MYPN: variants seen among roughly 807,000 people sequenced by gnomAD.
The protein encoded by MYPN is myopalladin, also known as sarcomeric protein myopalladin, 145 kDa (MYOP).
MYPN carries 63 observed loss-of-function variants against 129.4 expected under a neutral mutation model. The ratio of observed to expected loss-of-function variants is 0.49; its 90% CI spans 0.40 to 0.60. The LOEUF (loss-of-function observed/expected upper bound fraction) is 0.60. MYPN is among the 20% of genes least tolerant of loss of function. MYPN has a pLI of 0.00. For synonymous variants in MYPN, 629 were observed against 600.9 expected (o/e 1.05, Z -0.68); for missense variants, 1,596 against 1,635.4 (o/e 0.98, Z 0.42).
chr10:68,147,730 G>T (rs949155731), intron 4 of MYPN, among the ~76,000 whole-genome samples: 7 of 152,084 alleles, frequency 4.6e-5, no homozygotes, highest in African/African-American at 1.7e-4. Flanking sequence ...AGGTTCTCTG[G>T]CAAGATCCAC....
At chr10:68,168,991 T>TAAAAAAAA (rs71009012) in intron 10 of MYPN, among the ~76,000 whole-genome samples, 21 of 80,328 alleles carry the variant, frequency 2.6e-4, no homozygotes, top group African/African-American at 9.3e-4. Flanking sequence ...GATTATTTCT[T>TAAAAAAAA]AAAAAAAAAA....
intron 13 of MYPN, among the ~76,000 whole-genome samples, chr10:68,191,220 T>TC (rs1423606687): frequency 6.6e-6 from 1 of 150,996 alleles, no homozygotes; most frequent in East Asian, 1.9e-4. Flanking sequence ...CTATTTCTTT[T>TC]TTTTTTTTCT....
intron 18 of MYPN, among the ~76,000 whole-genome samples, 176 bp downstream of exon 18, chr10:68,202,170 T>C (rs1309265815): frequency 6.6e-6 from 1 of 152,198 alleles, no homozygotes; most frequent in Non-Finnish European, 1.5e-5. Flanking sequence ...CAGTGGCTCA[T>C]GCCTGTAATC....
chr10:68,136,310 T>C (rs991470049), intron 2 of MYPN: 1 of 969,864 alleles, frequency 1.0e-6, no homozygotes, highest in African/African-American at 1.7e-5. Context: ...TTTATCCCAA[T>C]CATTGACTCA....
intron 7 of MYPN, among the ~76,000 whole-genome samples, chr10:68,159,231 A>T (rs917487008): frequency 6.6e-6 from 1 of 152,224 alleles, no homozygotes; most frequent in South Asian, 2.1e-4. Context: ...ATTAATAATT[A>T]TACAGGGATC....
chr10:68,179,110 A>G (rs10762192), intron 12 of MYPN, among the ~76,000 whole-genome samples: 94,113 of 151,862 alleles, frequency 0.62, 30,739 homozygotes, highest in Non-Finnish European at 0.72. Flanking sequence ...TCTTCTCTGA[A>G]CTGTTCTGTC....
At chr10:68,169,289 T>C (rs2817754) in intron 10 of MYPN, among the ~76,000 whole-genome samples, 94,937 of 143,366 alleles carry the variant, frequency 0.66, 31,302 homozygotes, top group Non-Finnish European at 0.7. Flanking sequence ...ACCCAGGAGG[T>C]GGAGCTTGCA....
At chr10:68,107,228 GC>G (rs2042022176), upstream of MYPN, among the ~76,000 whole-genome samples, 1 of 151,732 alleles carries the variant, frequency 6.6e-6, no homozygotes, top group Non-Finnish European at 1.5e-5. Context: ...TTTATATTCA[GC>G]TTTTTTTCAA....
chr10:68,168,012 G>A (rs759306488), intron 10 of MYPN, among the ~76,000 whole-genome samples: 60 of 152,152 alleles, frequency 3.9e-4, no homozygotes, highest in East Asian at 1.9e-4. Context: ...GAGCTTGCGC[G>A]GCTGGTTCGC....
rs749935442 is a variant in MYPN, at chr10:68,121,742, C to G, written c.304C>G (p.Pro102Ala). Residue 102 changes from proline to alanine, a missense_variant, in exon 2 of 20, where the codon CCT becomes GCT. Coordinates refer to ENST00000358913, the MANE Select transcript of MYPN (RefSeq NM_032578.4). ...DETQARKRLS[P>A]DQMKHSPNLS... ...AACTCAAGCTAGAAAACGACTTTCT[C>G]CTGATCAGATGAAACACTCACCTAA... The G allele has an allele frequency of 1.2e-5, 19 of 1,614,200 alleles. No individual in the cohort carries two copies. The South Asian group carries it at 2.1e-4, about 18-fold the overall frequency.
chr10:68,185,702 G>C (rs2043409611), intron 12 of MYPN, among the ~76,000 whole-genome samples: 1 of 152,152 alleles, frequency 6.6e-6, no homozygotes, highest in Admixed American at 6.5e-5. Flanking sequence ...ATCTCACATG[G>C]TAAGGGAATA....
intron 13 of MYPN, among the ~76,000 whole-genome samples, chr10:68,192,554 T>C (rs539924425): frequency 6.6e-6 from 1 of 152,324 alleles, no homozygotes; most frequent in East Asian, 1.9e-4. Flanking sequence ...TTATCTCCTC[T>C]TTAACTTTTT....
chr10:68,179,659 GA>G (rs1441020504), intron 12 of MYPN, among the ~76,000 whole-genome samples: 1 of 152,048 alleles, frequency 6.6e-6, no homozygotes. Flanking sequence ...TTTAAAAGAT[GA>G]AAACTTTTTT....
At chr10:68,158,772 T>G in intron 7 of MYPN, 145 bp downstream of exon 7, 1 of 623,642 alleles carries the variant, frequency 1.6e-6, no homozygotes, top group Non-Finnish European at 2.7e-6. Flanking sequence ...TGTTAATATT[T>G]CAGTATATGT....
In MYPN at chr10:68,174,313, A is replaced by C; in HGVS notation, c.2221A>C (p.Ser741Arg). ...CACCGCAGCAACTGTGGCCCCTTCCAGCTCTCCGGTGTTCACTTTGAGCAG... is the reference window on the plus strand; with the variant it reads ...CACCGCAGCAACTGTGGCCCCTTCCCGCTCTCCGGTGTTCACTTTGAGCAG... ...NTTAATVAPSSSPVFTLSSTP... is the reference protein window; with the variant it reads ...NTTAATVAPSRSPVFTLSSTP... Residue 741 changes from serine (S) to arginine (R), a missense_variant, in exon 11 of 20, where the codon AGC becomes CGC. Coordinates refer to ENST00000358913, the MANE Select transcript of MYPN (RefSeq NM_032578.4). 3.1e-6 allele frequency: 5 copies of C among 1,614,066 alleles called. No homozygotes were observed. The highest frequency in any genetic ancestry group is 4.2e-6 in the Non-Finnish European group (5 of 1,180,012).
intron 2 of MYPN, among the ~76,000 whole-genome samples, chr10:68,129,011 T>C (rs2042369252): frequency 6.6e-6 from 1 of 152,088 alleles, no homozygotes; most frequent in Non-Finnish European, 1.5e-5. Flanking sequence ...TCTCTTTTTT[T>C]TTTAATGTGC....
chr10:68,101,121 A>C (rs770489565), upstream of MYPN, among the ~76,000 whole-genome samples: 1 of 152,218 alleles, frequency 6.6e-6, no homozygotes, highest in Non-Finnish European at 1.5e-5. Context: ...TGACCTAAAA[A>C]GAAAAATTTT....
At chr10:68,162,883 G>C (rs1397065190) in intron 8 of MYPN, among the ~76,000 whole-genome samples, 2 of 152,152 alleles carry the variant, frequency 1.3e-5, no homozygotes, top group African/African-American at 4.8e-5. Context: ...AAAAGTGTGG[G>C]GTGAAGTCAT....
intron 1 of MYPN, among the ~76,000 whole-genome samples, chr10:68,099,029 A>G (rs766997554): frequency 4.2e-4 from 64 of 152,326 alleles, no homozygotes; most frequent in Middle Eastern, 3.4e-3. Flanking sequence ...GTAAAATAAT[A>G]TTGGTAGTAA....
Sources: allele counts gnomAD v4.1 joint callset (sites outside exome capture counted in the v4.1 genomes callset), GRCh38; gene constraint gnomAD v4.1.1; transcripts MANE v1.5; gene names NCBI Gene and HGNC (gene_info 2026-07-23, HGNC 2026-07-21).